DAGLA: variants seen among roughly 807,000 people sequenced by gnomAD.
DAGLA encodes the protein diacylglycerol lipase alpha, also known as diacylglycerol lipase-alpha.
DAGLA carries 22 observed loss-of-function variants against 102.6 expected under a neutral mutation model. The ratio of observed to expected loss-of-function variants is 0.21; its 90% CI spans 0.15 to 0.31. DAGLA has a LOEUF of 0.31. Ranked by LOEUF, DAGLA falls within the 10% of genes least tolerant of loss-of-function variation. The probability of loss-of-function intolerance (pLI) is 1.00; values close to 1 mark genes in which losing one functional copy is unlikely to be tolerated. For synonymous variants in DAGLA, 578 were observed against 628.9 expected (o/e 0.92, Z 1.21); for missense variants, 927 against 1,446.6 (o/e 0.64, Z 5.83).
At chr11:61,680,714 G>A (rs944945772) in intron 1 of DAGLA, among the ~76,000 whole-genome samples, 1 of 151,984 alleles carries the variant, frequency 6.6e-6, no homozygotes, top group African/African-American at 2.4e-5. Flanking sequence ...GCACGGGCGT[G>A]GGCAACGTGG....
chr11:61,728,970 G>A lies in DAGLA; in HGVS notation c.811G>A (p.Val271Met). ...CTTGGCCTTCCTGTCTGGGATGCCG[G>A]TGACCAGAAACACCAAGTACCTCGA... Reference protein sequence around the residue: ...DILAFLSGMPVTRNTKYLDLK... With the variant: ...DILAFLSGMPMTRNTKYLDLK... The change falls in exon 8 of 20, where the codon GTG becomes ATG. Residue 271 changes from valine (V) to methionine (M), a missense_variant. This residue lies in a region of DAGLA where 231 missense variants were observed against 439.8 expected (regional missense o/e 0.53). Transcript: ENST00000257215. 6.2e-7 allele frequency: 1 copy of A among 1,614,192 alleles called. No individual in the cohort carries two copies. The highest frequency in any genetic ancestry group is 8.5e-7 in the Non-Finnish European group (1 of 1,180,034).
chr11:61,743,598 T>G lies in DAGLA; in HGVS notation c.2238T>G (p.Val746=). The change falls in exon 20 of 20, where the codon GTT becomes GTG. Residue 746 remains valine (V), a synonymous_variant. Transcript: ENST00000257215. ...AGGGGCGGCTGCTGTCGCCAGTGGTTGCGGCGGCGGCCCGCCAGGACCCGG... is the reference window on the plus strand; with the variant it reads ...AGGGGCGGCTGCTGTCGCCAGTGGTGGCGGCGGCGGCCCGCCAGGACCCGG... The part of the protein sequence containing the change: ...FSEGRLLSPV[V]AAAARQDPVE... 6.4e-7 allele frequency: 1 copy of G among 1,570,674 alleles called. No individual in the cohort carries two copies. Among genetic ancestry groups the G allele is most frequent in the Non-Finnish European group, 8.6e-7 (1 of 1,163,792 alleles).
At chr11:61,708,739 A>G (rs977869985) in intron 1 of DAGLA, among the ~76,000 whole-genome samples, 2 of 152,168 alleles carry the variant, frequency 1.3e-5, no homozygotes, top group Non-Finnish European at 2.9e-5. Flanking sequence ...AGAGGGAGGC[A>G]CTGTCATCAT....
rs920442235 is a variant in DAGLA, at chr11:61,746,837, G to A, written c.*2348G>A. 2.0e-5 allele frequency: 3 copies of A among 152,578 alleles called. No homozygotes were observed. The highest frequency in any genetic ancestry group is 1.9e-4 in the East Asian group (1 of 5,340). The allele number at this position is 152,578 out of a possible 1,614,324, so 9.5% of individuals were successfully genotyped here. A position where few individuals can be genotyped will look rare whatever the true frequency, so the allele number is the denominator to read the frequency against. On this transcript the variant is annotated 3_prime_UTR_variant, in exon 20 of 20. Transcript: ENST00000257215. ...CACAGACCCTCATGCACTCTCTTAC[G>A]TGCCATTCTCCCCAGACTTTTTTTG...
chr11:61,690,108 T>G (rs1402110229), intron 1 of DAGLA, among the ~76,000 whole-genome samples: 2 of 151,976 alleles, frequency 1.3e-5, no homozygotes, highest in African/African-American at 4.8e-5. Context: ...AGGGCCAGAG[T>G]CAGCCCCAGT....
At position 61,739,449 on chromosome 11, in the gene DAGLA, A is replaced by G; in HGVS notation, c.1657-16A>G. 6.5e-7 allele frequency: 1 copy of G among 1,549,530 alleles called. No homozygotes were observed. Among genetic ancestry groups the G allele is most frequent in the Non-Finnish European group, 8.7e-7 (1 of 1,149,444 alleles). On this transcript the variant is annotated splice_polypyrimidine_tract_variant and intron_variant, in intron 16 of 19. Coordinates refer to ENST00000257215, the MANE Select transcript of DAGLA (RefSeq NM_006133.3). ...ACTTAGCTCTGTCCCCATCTCTCCC[A>G]CTCCACCCCGCGCAGTGGCGGATCA...
At chr11:61,708,511 G>T (rs2065168307) in intron 1 of DAGLA, among the ~76,000 whole-genome samples, 1 of 152,080 alleles carries the variant, frequency 6.6e-6, no homozygotes, top group Non-Finnish European at 1.5e-5. Context: ...CTCTCGAGTA[G>T]CTGGGACTAC....
chr11:61,683,219 T>C (rs1416606148), intron 1 of DAGLA, among the ~76,000 whole-genome samples: 3 of 152,182 alleles, frequency 2.0e-5, no homozygotes, highest in East Asian at 3.9e-4. Flanking sequence ...CAGGCTGCAG[T>C]GTCAAGCCAT....
intron 1 of DAGLA, among the ~76,000 whole-genome samples, chr11:61,703,276 AAC>A (rs2065122973): frequency 6.6e-6 from 1 of 152,250 alleles, no homozygotes; most frequent in Non-Finnish European, 1.5e-5. Context: ...CCAGATGGTA[AAC>A]ACATTCACCA....
At chr11:61,736,374 A>G in intron 13 of DAGLA, 24 bp downstream of exon 13, 3 of 1,601,226 alleles carry the variant, frequency 1.9e-6, no homozygotes, top group Non-Finnish European at 2.6e-6. Flanking sequence ...CATGGCACCA[A>G]GCCTTTTCAC....
At chr11:61,733,329 C>A (rs1025828882) in intron 9 of DAGLA, among the ~76,000 whole-genome samples, 2 of 152,206 alleles carry the variant, frequency 1.3e-5, no homozygotes, top group Non-Finnish European at 2.9e-5. Context: ...TAGACCCTGG[C>A]CCATCACCAC....
intron 9 of DAGLA, among the ~76,000 whole-genome samples, chr11:61,733,959 G>A (rs1276288405): frequency 6.6e-6 from 1 of 152,222 alleles, no homozygotes; most frequent in Non-Finnish European, 1.5e-5. Flanking sequence ...AGGCCACGCT[G>A]TCTCAGGTGC....
At chr11:61,727,321 C>T (rs2065336803) in intron 6 of DAGLA, among the ~76,000 whole-genome samples, 2 of 152,240 alleles carry the variant, frequency 1.3e-5, no homozygotes, top group Admixed American at 6.5e-5. Flanking sequence ...TATCTGGCTC[C>T]GTTTGGCTCC....
At chr11:61,685,517 A>G (rs1296688738) in intron 1 of DAGLA, among the ~76,000 whole-genome samples, 1 of 152,118 alleles carries the variant, frequency 6.6e-6, no homozygotes, top group Non-Finnish European at 1.5e-5. Context: ...ACTTGGACAT[A>G]GTCGATAGTT....
Position 61,722,977 on chromosome 11 carries a change from C to A in DAGLA, c.409+17C>A, listed in dbSNP as rs551433572. The stretch of plus-strand genomic sequence containing the variant: ...TCACCCTCGGTACGTCTGGGTGAGG[C>A]CTGCTGGAGCCTCAGCAGCCCCGGG... On this transcript the variant is annotated intron_variant, in intron 4 of 19. Transcript: ENST00000257215. 2.5e-6 allele frequency: 4 copies of A among 1,587,688 alleles called. No individual in the cohort carries two copies. The highest frequency in any genetic ancestry group is 2.7e-5 in the African/African-American group (2 of 74,486).
At chr11:61,716,945 T>C (rs2065239870) in intron 1 of DAGLA, among the ~76,000 whole-genome samples, 1 of 152,068 alleles carries the variant, frequency 6.6e-6, no homozygotes, top group African/African-American at 2.4e-5. Flanking sequence ...TTGCCTGTGC[T>C]GGGGGTCCAA....
At chr11:61,740,641 C>T in intron 18 of DAGLA, 49 bp downstream of exon 18, 1 of 1,597,312 alleles carries the variant, frequency 6.3e-7, no homozygotes, top group Non-Finnish European at 8.5e-7. Context: ...GCACTGTCAC[C>T]CCATCAGAAC....
intron 19 of DAGLA, among the ~76,000 whole-genome samples, chr11:61,741,996 C>CATA (rs2065484604): frequency 6.6e-6 from 1 of 152,374 alleles, no homozygotes; most frequent in East Asian, 1.9e-4. Flanking sequence ...TACACACATA[C>CATA]ATGTGCACAC....
chr11:61,688,715 C>G (rs1402825807), intron 1 of DAGLA, among the ~76,000 whole-genome samples: 1 of 152,240 alleles, frequency 6.6e-6, no homozygotes, highest in Non-Finnish European at 1.5e-5. Flanking sequence ...TCAGTTCAGG[C>G]TGGGTGTGGG....
Sources: gnomAD v4.1 joint callset for allele counts (sites outside exome capture counted in the v4.1 genomes callset) on GRCh38, gnomAD v4.1.1 for gene constraint, gnomAD v4.1.1 regional missense constraint, MANE v1.5 for transcripts, NCBI Gene and HGNC (gene_info 2026-07-23, HGNC 2026-07-21) for gene names.